The following FBXO36 variants were observed in gnomAD, a reference collection of about 807,000 sequenced individuals.
The protein encoded by FBXO36 is F-box protein 36, also known as F-box only protein 36.
FBXO36 carries 18 observed loss-of-function variants against 17.0 expected under a neutral mutation model. The observed-to-expected ratio is 1.06, with a 90% CI of 0.73 to 1.57. The LOEUF (loss-of-function observed/expected upper bound fraction) is 1.57, where lower values mean the gene tolerates loss of function less well. FBXO36 is among the 40% of genes most tolerant of loss of function. FBXO36 has a pLI of 0.00. For missense variants in FBXO36, 229 were observed against 221.9 expected, an observed-to-expected ratio of 1.03 and a Z score of -0.20; for synonymous variants, 83 against 85.3, an observed-to-expected ratio of 0.97 and a Z score of 0.15.
chr2:230,012,590 G>T lies in FBXO36; in HGVS notation c.*1706G>T, dbSNP rs936172498. ...TTTGCTAGGGCAGGTACAGGTAAAG[G>T]TAACCAGCAGGCAGCTGAGAGCAAG... On this transcript the variant is annotated 3_prime_UTR_variant, in exon 4 of 4. Coordinates refer to ENST00000283946, the MANE Select transcript of FBXO36 (RefSeq NM_174899.5). The T allele has an allele frequency of 6.6e-6, 1 of 151,884 alleles. No individual in the cohort carries two copies. Among genetic ancestry groups the T allele is most frequent in the African/African-American group, 2.4e-5 (1 of 41,416 alleles). The allele number at this position is 151,884 out of a possible 1,614,324, so 9.4% of individuals were successfully genotyped here. A position where few individuals can be genotyped will look rare whatever the true frequency, so the allele number is the denominator to read the frequency against.
chr2:229,966,222 G>A (rs186716802), intron 1 of FBXO36, among the ~76,000 whole-genome samples: 3 of 152,184 alleles, frequency 2.0e-5, no homozygotes, highest in Non-Finnish European at 2.9e-5. Context: ...TTGTTAATGG[G>A]GTTGTTTGTT....
At chr2:229,946,902 C>T (rs2077029973) in intron 1 of FBXO36, among the ~76,000 whole-genome samples, 1 of 152,188 alleles carries the variant, frequency 6.6e-6, no homozygotes, top group African/African-American at 2.4e-5. Context: ...CGCTGTGGCT[C>T]ATGCCTATAA....
chr2:229,958,253 C>CTT (rs2077100786), intron 1 of FBXO36, among the ~76,000 whole-genome samples: 1 of 113,324 alleles, frequency 8.8e-6, no homozygotes, highest in Non-Finnish European at 1.9e-5. Flanking sequence ...AGAGCTCTGA[C>CTT]TTTCTTTTTT....
At chr2:229,949,463 A>C (rs935576080) in intron 1 of FBXO36, among the ~76,000 whole-genome samples, 1 of 152,132 alleles carries the variant, frequency 6.6e-6, no homozygotes, top group African/African-American at 2.4e-5. Flanking sequence ...ACATGAATAG[A>C]TGTCTGTGAC....
At chr2:229,971,392 G>C (rs552390904) in intron 1 of FBXO36, among the ~76,000 whole-genome samples, 47 of 150,458 alleles carry the variant, frequency 3.1e-4, no homozygotes, top group African/African-American at 1.1e-3. Flanking sequence ...CAAAAAACAA[G>C]TGATAAAATC....
At chr2:229,942,874 G>A (rs1361344727) in intron 1 of FBXO36, 3 of 152,198 alleles carry the variant, frequency 2.0e-5, no homozygotes, top group Middle Eastern at 3.2e-3. Flanking sequence ...CATGTGGTAG[G>A]AGCTGATGTT....
At chr2:229,932,927 C>A (rs779988869) in intron 1 of FBXO36, 2 of 290,332 alleles carry the variant, frequency 6.9e-6, no homozygotes, top group East Asian at 2.8e-4. Flanking sequence ...ATTAGCCGGG[C>A]GTGGTGATGC....
intron 3 of FBXO36, 57 bp from the exon 4 acceptor site, chr2:230,010,639 T>G: frequency 6.7e-7 from 1 of 1,481,952 alleles, no homozygotes; most frequent in Non-Finnish European, 9.1e-7. Flanking sequence ...AGCAAGAGTT[T>G]GATAATGAGT....
chr2:229,938,304 C>T (rs1229186967), intron 1 of FBXO36, among the ~76,000 whole-genome samples: 1 of 147,040 alleles, frequency 6.8e-6, no homozygotes, highest in Non-Finnish European at 1.5e-5. Flanking sequence ...TCACCGCACC[C>T]TCCGCCTCCT....
intron 3 of FBXO36, among the ~76,000 whole-genome samples, chr2:230,001,482 T>A (rs1022462964): frequency 1.3e-5 from 2 of 152,032 alleles, no homozygotes; most frequent in African/African-American, 4.8e-5. Flanking sequence ...GACACGGGGT[T>A]TCGCCATGTT....
chr2:230,006,532 G>GT (rs2077387734), intron 3 of FBXO36, among the ~76,000 whole-genome samples: 1 of 152,216 alleles, frequency 6.6e-6, no homozygotes, highest in African/African-American at 2.4e-5. Context: ...TGTGCAGTCA[G>GT]TATGTAATTA....
chr2:230,002,590 C>A (rs997341782), intron 3 of FBXO36, among the ~76,000 whole-genome samples: 2 of 152,004 alleles, frequency 1.3e-5, no homozygotes, highest in African/African-American at 4.8e-5. Context: ...TGCCATCTTG[C>A]GCTGGTTGGT....
At chr2:229,986,857 G>A (rs2077271097) in intron 2 of FBXO36, among the ~76,000 whole-genome samples, 1 of 151,908 alleles carries the variant, frequency 6.6e-6, no homozygotes, top group African/African-American at 2.4e-5. Flanking sequence ...CTTATGCATT[G>A]TATCCTGTAG....
At chr2:229,971,424 C>T (rs932012876) in intron 1 of FBXO36, among the ~76,000 whole-genome samples, 2 of 151,810 alleles carry the variant, frequency 1.3e-5, no homozygotes, top group African/African-American at 4.8e-5. Context: ...CCCAGCAGAC[C>T]TCTGGTATCT....
chr2:229,980,923 G>T (rs934859886), intron 2 of FBXO36, among the ~76,000 whole-genome samples: 1 of 152,140 alleles, frequency 6.6e-6, no homozygotes, highest in Admixed American at 6.6e-5. Flanking sequence ...AAAGGCTCCT[G>T]TGTCTCTAAG....
intron 1 of FBXO36, among the ~76,000 whole-genome samples, chr2:229,935,789 A>G (rs2076960770): frequency 6.6e-6 from 1 of 152,206 alleles, no homozygotes; most frequent in Non-Finnish European, 1.5e-5. Flanking sequence ...CAAATGTTCA[A>G]GTATCTTCTG....
rs185490970 is a variant in FBXO36 at position 229,934,928 on chromosome 2, C to T, written c.96+12319C>T. 2.6e-4 allele frequency among the ~76,000 whole-genome samples: 39 copies of T among 152,304 alleles called. No individual in the cohort carries two copies. The East Asian group carries it at 5.8e-3, about 23-fold the overall frequency. On this transcript the variant is annotated intron_variant, in intron 1 of 3. Transcript: ENST00000283946. ...CTGGGATTGTAGACATGAGCCACTG[C>T]GCTCAGCCTTTCCTTTGGTTTTACA...
intron 2 of FBXO36, among the ~76,000 whole-genome samples, chr2:229,995,113 CAA>C (rs928565008): frequency 7.0e-6 from 1 of 142,148 alleles, no homozygotes; most frequent in Admixed American, 7.1e-5. Flanking sequence ...GACTCTGTCT[CAA>C]AAAAAAAAGA....
At chr2:229,946,972 G>T (rs1263924676) in intron 1 of FBXO36, among the ~76,000 whole-genome samples, 1 of 152,136 alleles carries the variant, frequency 6.6e-6, no homozygotes, top group Non-Finnish European at 1.5e-5. Context: ...TTCCAGACCA[G>T]CCTGGCCAAC....
Sources: allele counts gnomAD v4.1 joint callset (sites outside exome capture counted in the v4.1 genomes callset), GRCh38; gene constraint gnomAD v4.1.1; transcripts MANE v1.5; gene names NCBI Gene and HGNC (gene_info 2026-07-23, HGNC 2026-07-21).